ATP6V1A: variants seen among roughly 807,000 people sequenced by gnomAD.
The protein encoded by ATP6V1A is V-type proton ATPase catalytic subunit A.
ATP6V1A carries 18 observed loss-of-function variants against 70.1 expected under a neutral mutation model. The observed-to-expected ratio is 0.26, with a 90% CI of 0.18 to 0.38. The LOEUF is 0.38. Among genes scored for constraint, ATP6V1A ranks in the 10% least tolerant of loss-of-function variants. The pLI is 1.00. For synonymous variants in ATP6V1A, 232 were observed against 253.8 expected (o/e 0.91, Z 0.82); for missense variants, 424 against 772.4 (o/e 0.55, Z 5.35).
At chr3:113,788,604 C>A (rs1030493857) in intron 6 of ATP6V1A, 109 bp from the exon 7 acceptor site, 4 of 1,020,792 alleles carry the variant, frequency 3.9e-6, no homozygotes, top group African/African-American at 1.7e-5. Context: ...CTTCGGCCCC[C>A]ACAAGTGCTG....
At chr3:113,787,469 T>C (rs889877698) in intron 6 of ATP6V1A, among the ~76,000 whole-genome samples, 1 of 152,204 alleles carries the variant, frequency 6.6e-6, no homozygotes, top group East Asian at 1.9e-4. Context: ...ATCTGTAGCT[T>C]TCAACTGATG....
At chr3:113,808,424 T>A (rs1312025658) in intron 14 of ATP6V1A, among the ~76,000 whole-genome samples, 2 of 150,184 alleles carry the variant, frequency 1.3e-5, no homozygotes, top group Non-Finnish European at 3.0e-5. Context: ...CCCAAGTAGC[T>A]GGGACTACAG....
chr3:113,753,655 A>G (rs1461480192), intron 1 of ATP6V1A, among the ~76,000 whole-genome samples: 1 of 149,746 alleles, frequency 6.7e-6, no homozygotes, highest in African/African-American at 2.5e-5. Context: ...ATTAGAAAGG[A>G]TTTCCAAGTA....
intron 11 of ATP6V1A, among the ~76,000 whole-genome samples, chr3:113,797,274 T>A (rs1378215935): frequency 7.1e-6 from 1 of 140,232 alleles, no homozygotes; most frequent in Non-Finnish European, 1.5e-5. Flanking sequence ...TTTTTTGAGA[T>A]GGAATCTCAC....
chr3:113,762,715 G>C (rs889569501), intron 1 of ATP6V1A, among the ~76,000 whole-genome samples: 5 of 151,996 alleles, frequency 3.3e-5, no homozygotes, highest in African/African-American at 1.2e-4. Context: ...CTACGAACTT[G>C]GAATTGTAGA....
intron 12 of ATP6V1A, chr3:113,801,125 A>G (rs953910719): frequency 1.3e-5 from 2 of 152,226 alleles, no homozygotes; most frequent in Admixed American, 6.5e-5. Context: ...ACTGCATTCC[A>G]TCCTGGGTGA....
rs1577083778 is a variant in ATP6V1A at position 113,768,134 on chromosome 3, T to G, written c.-13-10607T>G. Among the ~76,000 whole-genome samples the G allele has an allele frequency of 3.9e-5, 6 of 152,274 alleles. 1 individual carries two copies. The highest frequency in any genetic ancestry group is 3.9e-4 in the Admixed American group (6 of 15,300). ...GATATACAGTTAAAATAGAAGAGTG[T>G]GTGTGTGTCCTCAGATAATTTTATT... On this transcript the variant is annotated intron_variant, in intron 1 of 14. Coordinates refer to ENST00000273398, the MANE Select transcript of ATP6V1A (RefSeq NM_001690.4).
chr3:113,790,902 A>T (rs979882838), intron 8 of ATP6V1A, among the ~76,000 whole-genome samples: 2 of 152,144 alleles, frequency 1.3e-5, no homozygotes, highest in African/African-American at 4.8e-5. Context: ...ACTAGTATTA[A>T]ATGCTGGGGA....
At chr3:113,773,727 T>A (rs1207025392) in intron 1 of ATP6V1A, among the ~76,000 whole-genome samples, 4 of 152,176 alleles carry the variant, frequency 2.6e-5, no homozygotes, top group African/African-American at 4.8e-5. Flanking sequence ...CTTTACTAGA[T>A]ACTCTGATGC....
chr3:113,777,789 T>C (rs914358829), intron 1 of ATP6V1A, among the ~76,000 whole-genome samples: 1 of 152,070 alleles, frequency 6.6e-6, no homozygotes, highest in Admixed American at 6.5e-5. Flanking sequence ...AGCAGATACC[T>C]TGGAGAATAA....
At chr3:113,787,429 G>A (rs1221562745) in intron 6 of ATP6V1A, among the ~76,000 whole-genome samples, 2 of 152,172 alleles carry the variant, frequency 1.3e-5, no homozygotes, top group African/African-American at 4.8e-5. Context: ...AAAATGCCCT[G>A]TTTCATGGCA....
At chr3:113,764,937 G>A (rs887181703) in intron 1 of ATP6V1A, among the ~76,000 whole-genome samples, 6 of 149,036 alleles carry the variant, frequency 4.0e-5, no homozygotes, top group South Asian at 2.1e-4. Flanking sequence ...GCAGTGAGCC[G>A]AGATTGCATC....
At chr3:113,753,970 A>AT (rs1037855397) in intron 1 of ATP6V1A, among the ~76,000 whole-genome samples, 4 of 152,164 alleles carry the variant, frequency 2.6e-5, no homozygotes, top group Admixed American at 6.6e-5. Flanking sequence ...ATGATAACTC[A>AT]TTTTTTATAA....
chr3:113,788,001 A>T (rs1709055495), intron 6 of ATP6V1A, among the ~76,000 whole-genome samples: 1 of 152,174 alleles, frequency 6.6e-6, no homozygotes, highest in Admixed American at 6.5e-5. Flanking sequence ...GTTCACTGTA[A>T]CCTCAAACTC....
chr3:113,803,719 G>A, intron 13 of ATP6V1A, 42 bp downstream of exon 13: 2 of 1,509,474 alleles, frequency 1.3e-6, no homozygotes, highest in Non-Finnish European at 1.8e-6. Flanking sequence ...AGGATTTTCT[G>A]TTGTGTTTTG....
intron 1 of ATP6V1A, among the ~76,000 whole-genome samples, chr3:113,760,267 TTTC>T (rs1331392991): frequency 2.0e-5 from 3 of 152,244 alleles, no homozygotes; most frequent in Admixed American, 6.5e-5. Context: ...GCAGCATTCT[TTTC>T]TTCTTTTATC....
chr3:113,750,314 CTTAAAAAAA>C (rs953053323), intron 1 of ATP6V1A, among the ~76,000 whole-genome samples: 6 of 152,046 alleles, frequency 3.9e-5, no homozygotes, highest in Admixed American at 6.6e-5. Flanking sequence ...CCTGTCTTTA[CTTAAAAAAA>C]TTAAAAAAAT....
chr3:113,775,866 G>A (rs1708905749), intron 1 of ATP6V1A, among the ~76,000 whole-genome samples: 2 of 152,142 alleles, frequency 1.3e-5, no homozygotes, highest in African/African-American at 4.8e-5. Context: ...TCATTCACTT[G>A]TTCACTACTT....
chr3:113,800,765 A>G (rs1393077787), intron 12 of ATP6V1A, among the ~76,000 whole-genome samples: 1 of 152,200 alleles, frequency 6.6e-6, no homozygotes, highest in Non-Finnish European at 1.5e-5. Context: ...GAGTTTTTTG[A>G]TTACATAAAA....
Sources: gnomAD v4.1 joint callset for allele counts (sites outside exome capture counted in the v4.1 genomes callset) on GRCh38, gnomAD v4.1.1 for gene constraint, MANE v1.5 for transcripts, NCBI Gene and HGNC (gene_info 2026-07-23, HGNC 2026-07-21) for gene names.